SERAC1: variants seen among roughly 807,000 people sequenced by gnomAD.
The protein encoded by SERAC1 is protein SERAC1.
SERAC1 carries 36 observed loss-of-function variants against 85.7 expected under a neutral mutation model. The ratio of observed to expected loss-of-function variants is 0.42; its 90% CI spans 0.32 to 0.55. The LOEUF is 0.55. Ranked by LOEUF, SERAC1 falls within the 20% of genes least tolerant of loss-of-function variation. SERAC1 has a pLI of 0.11. For missense variants in SERAC1, 629 were observed against 796.2 expected, an observed-to-expected ratio of 0.79 and a Z score of 2.53; for synonymous variants, 242 against 265.3, an observed-to-expected ratio of 0.91 and a Z score of 0.85.
rs371759559 is a variant in SERAC1, at chr6:158,113,542, C to A, written c.1735G>T (p.Asp579Tyr). ...LQDDFLEFAK[D>Y]KNFQVLNFVE... ...AAATTCAGCACCTGGAAGTTTTTGT[C>A]TTTAGCAAACTCCAGAAAGTCATCT... is the stretch of plus-strand genomic sequence containing the variant. The change falls in exon 16 of 17, where the codon GAC becomes TAC. Residue 579 changes from aspartate (D) to tyrosine (Y), a missense_variant. Asp to Tyr is a radical substitution (Grantham distance 160). Coordinates refer to ENST00000647468, the MANE Select transcript of SERAC1 (RefSeq NM_032861.4). The A allele has an allele frequency of 1.2e-6, 2 of 1,613,734 alleles. No homozygotes were observed. The highest frequency in any genetic ancestry group is 1.7e-6 in the Non-Finnish European group (2 of 1,179,808).
chr6:158,157,916 C>T (rs373190806), intron 2 of SERAC1, among the ~76,000 whole-genome samples: 12 of 152,152 alleles, frequency 7.9e-5, no homozygotes, highest in East Asian at 7.7e-4. Flanking sequence ...CCCGAGCCCC[C>T]GTAAGGCAAA....
chr6:158,113,589 G>C lies in SERAC1; in HGVS notation c.1688C>G (p.Ser563Cys), dbSNP rs146410859. The C allele has an allele frequency of 2.8e-4, 458 of 1,612,722 alleles. 1 individual carries two copies. Among genetic ancestry groups the C allele is most frequent in the Non-Finnish European group, 3.7e-4 (440 of 1,179,154 alleles). The change falls in exon 16 of 17, where the codon TCT becomes TGT. Residue 563 changes from serine (S) to cysteine (C), a missense_variant. Physicochemically the swap from Ser to Cys is moderately radical, Grantham distance 112 (BLOSUM62 -1). Coordinates refer to ENST00000647468, the MANE Select transcript of SERAC1 (RefSeq NM_032861.4). The part of the protein sequence containing the change: ...SLEVKELSKD[S>C]PALKTLQDDF... ...ATCTTGTAGTGTTTTAAGTGCAGGA[G>C]AATCTGTAAAATTATACAGAACAAG...
chr6:158,137,989 A>C (rs542725511), intron 8 of SERAC1, among the ~76,000 whole-genome samples: 14 of 152,350 alleles, frequency 9.2e-5, no homozygotes, highest in Middle Eastern at 6.8e-3. Context: ...AGTTGTCAGA[A>C]GACGCAGGTC....
intron 8 of SERAC1, 126 bp from the exon 9 acceptor site, chr6:158,130,612 A>G (rs1784651576): frequency 6.9e-6 from 4 of 580,060 alleles, no homozygotes; most frequent in Non-Finnish European, 1.2e-5. Context: ...GCCTCAAAAT[A>G]TGTTGGAAAT....
rs1784113787 is a variant in SERAC1, at chr6:158,110,289, A to C, written c.*1077T>G. 6.6e-6 allele frequency: 1 copy of C among 152,170 alleles called. No homozygotes were observed. The highest frequency in any genetic ancestry group is 2.4e-5 in the African/African-American group (1 of 41,428). 9.4% of individuals were successfully genotyped at this position (152,170 alleles called of 1,614,324 possible). A position where few individuals can be genotyped will look rare whatever the true frequency, so the allele number is the denominator to read the frequency against. On this transcript the variant is annotated 3_prime_UTR_variant, in exon 17 of 17. Coordinates refer to ENST00000647468, the MANE Select transcript of SERAC1 (RefSeq NM_032861.4). ...TAGTCCTAGCTGCTTGGGAGGCTGA[A>C]GCAAAAGGATCTCTTGAGCCCAGGA...
At chr6:158,118,075 C>A (rs1334157877) in intron 12 of SERAC1, among the ~76,000 whole-genome samples, 1 of 152,124 alleles carries the variant, frequency 6.6e-6, no homozygotes, top group African/African-American at 2.4e-5. Context: ...GCTGCTATAG[C>A]CAAAAGCAAG....
Position 158,130,396 on chromosome 6 carries a change from C to A in SERAC1, c.829G>T (p.Glu277Ter). The A allele has an allele frequency of 1.3e-6, 2 of 1,583,816 alleles. No homozygotes were observed. Among genetic ancestry groups the A allele is most frequent in the Non-Finnish European group, 1.7e-6 (2 of 1,167,076 alleles). ...PSATVEMFCL[E>*]AIVKHSEIST... ...ACCTCAGAATGTTTTACTATAGCTT[C>A]TAAACAGAACATTTCCACTGTTGCT... The change falls in exon 9 of 17, where the codon GAA (glutamate) becomes TAA (stop). Residue 277 changes from glutamate to a stop codon, truncating the protein, a stop_gained. Coordinates refer to ENST00000647468, the MANE Select transcript of SERAC1 (RefSeq NM_032861.4). LOFTEE classifies it high-confidence loss of function.
chr6:158,132,236 C>T (rs1341152832), intron 8 of SERAC1, among the ~76,000 whole-genome samples: 2 of 152,200 alleles, frequency 1.3e-5, no homozygotes, highest in Non-Finnish European at 2.9e-5. Flanking sequence ...CCATAAGATT[C>T]TGCATTTTTA....
At chr6:158,111,542 AT>A in intron 16 of SERAC1, 40 bp from the exon 17 acceptor site, 1 of 1,511,910 alleles carries the variant, frequency 6.6e-7, no homozygotes, top group Non-Finnish European at 8.9e-7. Context: ...AAGTAAAAAT[AT>A]AAGCTTTCCC....
At chr6:158,124,273 G>GA (rs1784485610) in intron 10 of SERAC1, among the ~76,000 whole-genome samples, 1 of 151,826 alleles carries the variant, frequency 6.6e-6, no homozygotes, top group South Asian at 2.1e-4. Flanking sequence ...AAGCACAGAG[G>GA]AAAAAATTTA....
At chr6:158,113,698 A>G in intron 15 of SERAC1, 106 bp from the exon 16 acceptor site, 1 of 1,072,218 alleles carries the variant, frequency 9.3e-7, no homozygotes, top group Non-Finnish European at 1.3e-6. Context: ...CTGATTCAAG[A>G]CGGTGGCTTG....
chr6:158,111,530 C>T, intron 16 of SERAC1, 28 bp from the exon 17 acceptor site: 2 of 1,543,210 alleles, frequency 1.3e-6, no homozygotes. Flanking sequence ...GTCAATAAAC[C>T]TAAGTAAAAA....
chr6:158,162,845 T>G (rs1318215504), intron 1 of SERAC1, among the ~76,000 whole-genome samples: 3 of 152,212 alleles, frequency 2.0e-5, no homozygotes, highest in African/African-American at 7.2e-5. Flanking sequence ...TTTTTTTTAA[T>G]GGCCACAAAT....
chr6:158,120,358 A>G lies in SERAC1; in HGVS notation c.1166+67T>C. 3 of 1,461,296 alleles carry G rather than the reference A, an allele frequency of 2.1e-6. No individual in the cohort carries two copies. The highest frequency in any genetic ancestry group is 1.8e-6 in the Non-Finnish European group (2 of 1,092,748). The allele number at this position is 1,461,296 out of a possible 1,614,324, so 90.5% of individuals were successfully genotyped here. A position where few individuals can be genotyped will look rare whatever the true frequency, so the allele number is the denominator to read the frequency against. ...TATCTGAATTATGCAGAAATAAGTTAAAAATTTGAGGCCTCTAGGCTTCAC... is the reference window on the plus strand; with the variant it reads ...TATCTGAATTATGCAGAAATAAGTTGAAAATTTGAGGCCTCTAGGCTTCAC... On this transcript the variant is annotated intron_variant, in intron 11 of 16. Coordinates refer to ENST00000647468, the MANE Select transcript of SERAC1 (RefSeq NM_032861.4). The surrounding 1 kb of genome is among the most constrained non-coding windows in gnomAD (Gnocchi z 4.4).
chr6:158,146,398 C>A (rs1390415528), intron 6 of SERAC1: 2 of 66,828 alleles, frequency 3.0e-5, no homozygotes, highest in East Asian at 9.6e-4. Context: ...ACTCCCTTGT[C>A]TTTTTTTTTT....
intron 3 of SERAC1, chr6:158,150,895 TCTA>T (rs1238732746): frequency 3.8e-6 from 1 of 263,542 alleles, no homozygotes; most frequent in East Asian, 7.4e-5. Flanking sequence ...TGTAAACAAA[TCTA>T]CTGTGCTGCC....
chr6:158,161,716 G>A (rs149264591), intron 1 of SERAC1: 28 of 151,546 alleles, frequency 1.8e-4, no homozygotes, highest in African/African-American at 6.3e-4. Flanking sequence ...CTAACTGCTA[G>A]AGGTAGCAAA....
rs540362962 is a variant in SERAC1, at chr6:158,164,543, C to T, written c.-2+3597G>A. ...TGAAACACTGATTTTAAGTAGAGAA[C>T]GGAGAAATTTTGAGACTAAGAAAGA... is the stretch of plus-strand genomic sequence containing the variant. On this transcript the variant is annotated intron_variant, in intron 1 of 16. Coordinates refer to ENST00000647468, the MANE Select transcript of SERAC1 (RefSeq NM_032861.4). Among the ~76,000 whole-genome samples, 7 of 151,800 alleles carry T rather than the reference C, an allele frequency of 4.6e-5. 1 individual carries two copies. Among genetic ancestry groups the T allele is most frequent in the African/African-American group, 1.2e-4 (5 of 41,368 alleles).
chr6:158,119,005 G>A lies in SERAC1; in HGVS notation c.1308+24C>T. Reference sequence around the variant, plus strand: ...CAGCAACCAGGGCCCCAGCAACCAGGGCCAGAGTCAGTGGCTCCCTTACCT... The same window carrying A: ...CAGCAACCAGGGCCCCAGCAACCAGAGCCAGAGTCAGTGGCTCCCTTACCT... On this transcript the variant is annotated intron_variant, in intron 12 of 16. Transcript: ENST00000647468. This position sits in a 1 kb window ranked among gnomAD's most constrained non-coding sequence, Gnocchi z 4.5. 6.2e-7 allele frequency: 1 copy of A among 1,605,518 alleles called. No individual in the cohort carries two copies. Among genetic ancestry groups the A allele is most frequent in the Non-Finnish European group, 8.5e-7 (1 of 1,174,906 alleles).
Sources: gnomAD v4.1 joint callset for allele counts (sites outside exome capture counted in the v4.1 genomes callset) on GRCh38, gnomAD v4.1.1 for gene constraint, Gnocchi (gnomAD v3.1) non-coding constraint, MANE v1.5 for transcripts, NCBI Gene and HGNC (gene_info 2026-07-23, HGNC 2026-07-21) for gene names.